SH3KBP1: variants seen among roughly 807,000 people sequenced by gnomAD.
SH3KBP1 encodes SH3 domain-containing kinase-binding protein 1.
A neutral mutation model predicts 50.1 loss-of-function variants in SH3KBP1; 8 were observed. The ratio of observed to expected loss-of-function variants is 0.16; its 90% CI spans 0.09 to 0.29. SH3KBP1 has a LOEUF of 0.29. SH3KBP1 is among the 10% of genes least tolerant of loss of function. The probability of loss-of-function intolerance (pLI) is 1.00; values close to 1 mark genes in which losing one functional copy is unlikely to be tolerated. For synonymous variants in SH3KBP1, 227 were observed against 218.6 expected (o/e 1.04, Z -0.34); for missense variants, 377 against 535.2 (o/e 0.70, Z 2.92).
At chrX:19,841,428 C>T (rs1310702223) in intron 1 of SH3KBP1, among the ~76,000 whole-genome samples, 2 of 112,399 alleles carry the variant, frequency 1.8e-5, no homozygotes, top group Admixed American at 9.4e-5. Flanking sequence ...TAATTTCCTC[C>T]GCTGTATACA....
intron 3 of SH3KBP1, among the ~76,000 whole-genome samples, chrX:19,737,383 A>G (rs1266224579): frequency 1.8e-5 from 2 of 111,445 alleles, no homozygotes; most frequent in African/African-American, 6.5e-5. Flanking sequence ...GTCCCTCTGT[A>G]ACCTCTGTAA....
At chrX:19,639,574 G>A (rs1322003557) in intron 7 of SH3KBP1, among the ~76,000 whole-genome samples, 1 of 111,189 alleles carries the variant, frequency 9.0e-6, no homozygotes, top group Non-Finnish European at 1.9e-5. Context: ...ACACGGGTAG[G>A]CTGGGCACCC....
In SH3KBP1 at chrX:19,670,401, C is replaced by G. The variant is rs1025203713; in HGVS notation, c.726+13422G>C. Reference sequence around the variant, plus strand: ...GCTGGCTTGCTCTGCATGGACATACCCTTCTCTCTAAGCTAACCTGAAAAG... The same window carrying G: ...GCTGGCTTGCTCTGCATGGACATACGCTTCTCTCTAAGCTAACCTGAAAAG... On this transcript the variant is annotated intron_variant, in intron 6 of 17. Transcript: ENST00000397821. 4 of 747,406 alleles carry G rather than the reference C, an allele frequency of 5.4e-6. No homozygotes were observed. The Admixed American group carries it at 2.7e-4, about 50-fold the overall frequency. The allele number at this position is 747,406 out of a possible 1,213,427, so 61.6% of individuals were successfully genotyped here.
chrX:19,701,408 A>T (rs1230985240), intron 4 of SH3KBP1, among the ~76,000 whole-genome samples: 1 of 111,084 alleles, frequency 9.0e-6, no homozygotes, highest in African/African-American at 3.3e-5. Context: ...CTTTGATCTC[A>T]ACCCCATTTC....
At chrX:19,575,242 G>T (rs2066162557) in intron 12 of SH3KBP1, among the ~76,000 whole-genome samples, 1 of 112,251 alleles carries the variant, frequency 8.9e-6, no homozygotes. Flanking sequence ...TGTTCTAATG[G>T]CACTGGATAA....
intron 13 of SH3KBP1, among the ~76,000 whole-genome samples, chrX:19,556,010 T>C (rs2065476096): frequency 8.9e-6 from 1 of 112,142 alleles, no homozygotes; most frequent in African/African-American, 3.2e-5. Flanking sequence ...TCTGTTTCCC[T>C]GGACTTAAGA....
In SH3KBP1 at chrX:19,639,810, G is replaced by T. The variant is rs148974855; in HGVS notation, c.802+5590C>A. Among the ~76,000 whole-genome samples, 69 of 109,927 alleles carry T rather than the reference G, an allele frequency of 6.3e-4. No homozygotes were observed. The East Asian group carries it at 0.019, about 31-fold the overall frequency. ...CCAAGAATGAGTGAGTTTGGGGGAG[G>T]ATATGTGAGCAAAACCACTGAGTCT... On this transcript the variant is annotated intron_variant, in intron 7 of 17. Coordinates refer to ENST00000397821, the MANE Select transcript of SH3KBP1 (RefSeq NM_031892.3).
chrX:19,707,186 G>A, intron 3 of SH3KBP1: 1 of 526,699 alleles, frequency 1.9e-6, no homozygotes, highest in Non-Finnish European at 3.4e-6. Context: ...TTTAAAAGCT[G>A]CTGGGTCAGA....
intron 2 of SH3KBP1, among the ~76,000 whole-genome samples, chrX:19,811,936 T>TC (rs2067217955): frequency 9.0e-6 from 1 of 111,339 alleles, no homozygotes; most frequent in African/African-American, 3.3e-5. Context: ...CACCAGGGCC[T>TC]CCCCCACACC....
At chrX:19,884,842 A>C (rs1159509523) in intron 1 of SH3KBP1, among the ~76,000 whole-genome samples, 1 of 112,189 alleles carries the variant, frequency 8.9e-6, no homozygotes, top group Non-Finnish European at 1.9e-5. Flanking sequence ...CAGAGGGCAC[A>C]TTCTGATGGG....
intron 16 of SH3KBP1, among the ~76,000 whole-genome samples, chrX:19,539,176 C>T (rs2064810152): frequency 8.9e-6 from 1 of 112,186 alleles, no homozygotes; most frequent in Admixed American, 9.4e-5. Context: ...GAGCTGTCCT[C>T]CATTTTCAGG....
chrX:19,610,077 G>C (rs1371246731), intron 8 of SH3KBP1, among the ~76,000 whole-genome samples: 1 of 111,501 alleles, frequency 9.0e-6, no homozygotes, highest in Non-Finnish European at 1.9e-5. Context: ...CTTAGTCACA[G>C]ACTATAAATT....
chrX:19,699,263 T>G (rs910230108), intron 4 of SH3KBP1, among the ~76,000 whole-genome samples: 17 of 112,633 alleles, frequency 1.5e-4, no homozygotes, highest in African/African-American at 5.2e-4. Flanking sequence ...TGTTTGCATT[T>G]CTATAGTTAA....
At chrX:19,725,583 C>G (rs1490425977) in intron 3 of SH3KBP1, among the ~76,000 whole-genome samples, 2 of 112,101 alleles carry the variant, frequency 1.8e-5, no homozygotes, top group Non-Finnish European at 3.8e-5. Context: ...CAGTGACTGT[C>G]TCCCATCTGC....
intron 3 of SH3KBP1, among the ~76,000 whole-genome samples, chrX:19,724,847 G>T (rs1420136984): frequency 9.0e-6 from 1 of 111,593 alleles, no homozygotes; most frequent in Admixed American, 9.5e-5. Context: ...CAGGGTTATG[G>T]TCCCCTGCAA....
intron 3 of SH3KBP1, among the ~76,000 whole-genome samples, chrX:19,743,040 G>A (rs1050582326): frequency 8.9e-6 from 1 of 111,955 alleles, no homozygotes; most frequent in Admixed American, 9.5e-5. Context: ...ATGCCAGAAT[G>A]TGTAGCCAGT....
intron 12 of SH3KBP1, among the ~76,000 whole-genome samples, chrX:19,569,989 A>C (rs766589411): frequency 8.9e-6 from 1 of 112,327 alleles, no homozygotes; most frequent in African/African-American, 3.2e-5. Flanking sequence ...CCATAAAATG[A>C]GAGAGAGAAG....
chrX:19,703,712 G>C (rs1236042689), intron 4 of SH3KBP1, among the ~76,000 whole-genome samples: 8 of 89,959 alleles, frequency 8.9e-5, no homozygotes, highest in African/African-American at 4.0e-4. Context: ...GTGTGTGTGT[G>C]TGTGTGTGTG....
intron 3 of SH3KBP1, among the ~76,000 whole-genome samples, chrX:19,735,189 T>C (rs765645130): frequency 8.9e-6 from 1 of 112,003 alleles, no homozygotes; most frequent in East Asian, 2.8e-4. Context: ...AACTGAAATC[T>C]TCTCTCCTTT....
Sources: gnomAD v4.1 joint callset for allele counts (sites outside exome capture counted in the v4.1 genomes callset) on GRCh38, gnomAD v4.1.1 for gene constraint, MANE v1.5 for transcripts, NCBI Gene and HGNC (gene_info 2026-07-23, HGNC 2026-07-21) for gene names.